Variants in CNTN4 observed in about 807,000 individuals in gnomAD.
CNTN4 encodes contactin-4.
Under a neutral mutation model 122.5 loss-of-function variants are expected in CNTN4, and 77 were observed. That is an observed-to-expected ratio of 0.63 (90% CI 0.52 to 0.76). The LOEUF is 0.76. CNTN4 is among the 30% of genes least tolerant of loss of function. The probability of loss-of-function intolerance (pLI) is 0.00; values close to 1 mark genes in which losing one functional copy is unlikely to be tolerated. For missense variants in CNTN4, 1,256 were observed against 1,259.1 expected, an observed-to-expected ratio of 1.00 and a Z score of 0.04; for synonymous variants, 512 against 447.0, an observed-to-expected ratio of 1.15 and a Z score of -1.83.
At chr3:2,745,780 T>C in intron 6 of CNTN4, 83 bp downstream of exon 6, 1 of 1,226,228 alleles carries the variant, frequency 8.2e-7, no homozygotes, top group Non-Finnish European at 1.2e-6. Flanking sequence ...GCAGTTTCAT[T>C]TTAGAGACTA....
intron 8 of CNTN4, among the ~76,000 whole-genome samples, chr3:2,880,931 C>G (rs1253127185): frequency 6.6e-6 from 1 of 152,126 alleles, no homozygotes; most frequent in Non-Finnish European, 1.5e-5. Context: ...CGTGGATCCT[C>G]TCTTTAGAAA....
At chr3:2,596,324 A>G (rs2080769111) in intron 4 of CNTN4, among the ~76,000 whole-genome samples, 1 of 152,212 alleles carries the variant, frequency 6.6e-6, no homozygotes, top group Admixed American at 6.5e-5. Flanking sequence ...TATAGTTTAT[A>G]CATTTATACA....
chr3:2,705,367 CAAA>C (rs540264724), intron 4 of CNTN4, among the ~76,000 whole-genome samples: 3 of 48,322 alleles, frequency 6.2e-5, no homozygotes, highest in Admixed American at 2.7e-4. Context: ...GACTCCGTCT[CAAA>C]AAAAAAAAAA....
chr3:2,967,093 A>T (rs897030865), intron 13 of CNTN4, among the ~76,000 whole-genome samples: 1 of 152,184 alleles, frequency 6.6e-6, no homozygotes, highest in Non-Finnish European at 1.5e-5. Context: ...CTCCCTGAGC[A>T]TTGGGGGATC....
intron 2 of CNTN4, among the ~76,000 whole-genome samples, chr3:2,166,866 C>T (rs913263240): frequency 1.3e-5 from 2 of 152,050 alleles, no homozygotes; most frequent in Non-Finnish European, 2.9e-5. Flanking sequence ...TGAATAGCTC[C>T]TTAATGGCTA....
intron 4 of CNTN4, among the ~76,000 whole-genome samples, chr3:2,604,265 G>A (rs146639762): frequency 1.3e-5 from 2 of 152,208 alleles, no homozygotes; most frequent in African/African-American, 4.8e-5. Context: ...AAAAGTGGAG[G>A]ATTTCCCTGA....
intron 3 of CNTN4, among the ~76,000 whole-genome samples, chr3:2,508,529 T>C (rs752558596): frequency 6.6e-6 from 1 of 152,178 alleles, no homozygotes; most frequent in African/African-American, 2.4e-5. Flanking sequence ...GAGCTGTATT[T>C]AGCTTGGTGA....
chr3:2,761,951 C>G lies in CNTN4; in HGVS notation c.358+16254C>G, dbSNP rs750455875. Among the ~76,000 whole-genome samples, 8 of 152,212 alleles carry G rather than the reference C, an allele frequency of 5.3e-5. No homozygotes were observed. In the Middle Eastern group the frequency reaches 0.02, roughly 388 times the overall value. ...TTATCCATACTCAGTATGGAGATTT[C>G]TTTTGTTTATTTTTCCTTCTTCCCA... On this transcript the variant is annotated intron_variant, in intron 6 of 24. Transcript: ENST00000418658.
chr3:2,490,620 C>A (rs2076288901), intron 3 of CNTN4, among the ~76,000 whole-genome samples: 1 of 152,122 alleles, frequency 6.6e-6, no homozygotes, highest in African/African-American at 2.4e-5. Flanking sequence ...GTGCACTAAG[C>A]AACATTTTGC....
Position 2,841,715 on chromosome 3 carries a change from T to G in CNTN4, c.454+22134T>G, listed in dbSNP as rs1323310874. Among the ~76,000 whole-genome samples, 7 of 152,222 alleles carry G rather than the reference T, an allele frequency of 4.6e-5. No homozygotes were observed. The highest frequency in any genetic ancestry group is 4.6e-4 in the Admixed American group (7 of 15,280). ...GAAAGGACGAGGTTGAAAGTAGCTGTGCCTTGAAGTTATTAAAAATATGTT... is the reference window on the plus strand; with the variant it reads ...GAAAGGACGAGGTTGAAAGTAGCTGGGCCTTGAAGTTATTAAAAATATGTT... On this transcript the variant is annotated intron_variant, in intron 7 of 24. Transcript: ENST00000418658. The surrounding 1 kb of genome is among the most constrained non-coding windows in gnomAD (Gnocchi z 4.8).
intron 6 of CNTN4, among the ~76,000 whole-genome samples, chr3:2,794,156 G>C (rs1169630723): frequency 6.6e-6 from 1 of 152,180 alleles, no homozygotes; most frequent in Non-Finnish European, 1.5e-5. Context: ...CATGTGCCAT[G>C]TTTTACAGAT....
At chr3:2,628,343 G>A (rs192068249) in intron 4 of CNTN4, among the ~76,000 whole-genome samples, 75 of 152,334 alleles carry the variant, frequency 4.9e-4, no homozygotes, top group African/African-American at 1.7e-3. Context: ...GCAGGAGGCC[G>A]TAGCTGTGTG....
chr3:2,426,128 G>A (rs1237138884), intron 3 of CNTN4, among the ~76,000 whole-genome samples: 12 of 152,130 alleles, frequency 7.9e-5, no homozygotes, highest in Non-Finnish European at 1.6e-4. Flanking sequence ...GTGAGAGAGG[G>A]CATCCCTGTC....
intron 4 of CNTN4, among the ~76,000 whole-genome samples, chr3:2,576,021 G>C (rs1339344259): frequency 6.6e-6 from 1 of 151,764 alleles, no homozygotes; most frequent in Non-Finnish European, 1.5e-5. Flanking sequence ...ATTTTTAGTA[G>C]AGACGGGGTT....
intron 3 of CNTN4, among the ~76,000 whole-genome samples, chr3:2,340,760 G>C (rs1325392595): frequency 1.4e-5 from 2 of 144,350 alleles, no homozygotes. Flanking sequence ...TATTTCACTT[G>C]ATTCTTCAGG....
At chr3:2,233,665 C>T (rs1236763156) in intron 2 of CNTN4, among the ~76,000 whole-genome samples, 4 of 152,012 alleles carry the variant, frequency 2.6e-5, no homozygotes, top group Non-Finnish European at 4.4e-5. Context: ...CCCAATTGAA[C>T]CGTTTAACAA....
chr3:2,339,136 G>GA (rs1405829746), intron 2 of CNTN4, 42 bp from the exon 3 acceptor site: 4 of 151,916 alleles, frequency 2.6e-5, no homozygotes, highest in Admixed American at 2.6e-4. Context: ...ATCTATGCTT[G>GA]AAAAAATGTA....
intron 7 of CNTN4, among the ~76,000 whole-genome samples, chr3:2,824,387 G>A (rs1028887021): frequency 5.9e-5 from 9 of 152,012 alleles, no homozygotes; most frequent in Admixed American, 3.3e-4. Flanking sequence ...AACTCAGGAG[G>A]TGGAGGTTGC....
At chr3:2,188,897 C>A (rs78631964) in intron 2 of CNTN4, among the ~76,000 whole-genome samples, 1 of 152,240 alleles carries the variant, frequency 6.6e-6, no homozygotes, top group Non-Finnish European at 1.5e-5. Context: ...CCTGTGCCCT[C>A]CCAGGAGAGT....
Sources: gnomAD v4.1 joint callset for allele counts (sites outside exome capture counted in the v4.1 genomes callset) on GRCh38, gnomAD v4.1.1 for gene constraint, Gnocchi (gnomAD v3.1) non-coding constraint, MANE v1.5 for transcripts, NCBI Gene and HGNC (gene_info 2026-07-23, HGNC 2026-07-21) for gene names.